CLTC: variants seen among roughly 807,000 people sequenced by gnomAD.
CLTC encodes the protein clathrin heavy chain, also known as clathrin heavy chain 1.
Under a neutral mutation model 195.8 loss-of-function variants are expected in CLTC, and 16 were observed. The ratio of observed to expected loss-of-function variants is 0.08; its 90% CI spans 0.06 to 0.12. The LOEUF is 0.12. CLTC is among the 10% of genes least tolerant of loss of function. The probability of loss-of-function intolerance (pLI) is 1.00; values close to 1 mark genes in which losing one functional copy is unlikely to be tolerated. For synonymous variants in CLTC, 667 were observed against 689.4 expected (o/e 0.97, Z 0.51); for missense variants, 796 against 2,027.0 (o/e 0.39, Z 11.66).
chr17:59,648,583 C>T lies in CLTC; in HGVS notation c.681+182C>T, dbSNP rs909724148. 6 of 567,660 alleles carry T rather than the reference C, an allele frequency of 1.1e-5. No homozygotes were observed. Among genetic ancestry groups the T allele is most frequent in the Non-Finnish European group, 1.9e-5 (6 of 322,572 alleles). 35.2% of individuals were successfully genotyped at this position (567,660 alleles called of 1,614,324 possible). On this transcript the variant is annotated intron_variant, in intron 4 of 31. Transcript: ENST00000269122. The surrounding 1 kb of genome is among the most constrained non-coding windows in gnomAD (Gnocchi z 4.5). ...ATACTTGTCTAAAATGAATAATGTT[C>T]TTTCACAACTCGTTCTGTTGGCTGT...
chr17:59,680,775 C>A, intron 18 of CLTC, 137 bp from the exon 19 acceptor site: 5 of 582,514 alleles, frequency 8.6e-6, no homozygotes, highest in South Asian at 5.7e-5. Context: ...GTAGAAAGAC[C>A]TCTCTATGTA....
chr17:59,667,033 T>TA (rs2032747424), intron 13 of CLTC, 56 bp downstream of exon 13: 1 of 1,421,584 alleles, frequency 7.0e-7, no homozygotes, highest in East Asian at 2.3e-5. Flanking sequence ...CAAGAAGAGG[T>TA]ATGCTTATGA....
At chr17:59,672,560 A>G (rs899212767) in intron 14 of CLTC, among the ~76,000 whole-genome samples, 1 of 152,196 alleles carries the variant, frequency 6.6e-6, no homozygotes, top group Non-Finnish European at 1.5e-5. Flanking sequence ...CAGAGTTTCC[A>G]TGGTGTTAAA....
At chr17:59,631,910 C>T (rs2031729381) in intron 1 of CLTC, among the ~76,000 whole-genome samples, 1 of 147,988 alleles carries the variant, frequency 6.8e-6, no homozygotes, top group Admixed American at 6.8e-5. Flanking sequence ...GTGGAGGTTG[C>T]AGTAGGCTGA....
At chr17:59,621,197 A>G (rs766898771) in intron 1 of CLTC, among the ~76,000 whole-genome samples, 2 of 152,244 alleles carry the variant, frequency 1.3e-5, no homozygotes, top group Non-Finnish European at 2.9e-5. Flanking sequence ...GCAGGTGACC[A>G]TTGGAAGGCT....
chr17:59,661,529 T>C lies in CLTC; in HGVS notation c.1254T>C (p.Phe418=). The stretch of plus-strand genomic sequence containing the variant: ...AAACTTCTCCTCTACTTCAGTACTT[T>C]GGTATCCTTTTGGACCAGGGACAGC... The part of the protein sequence containing the change: ...PGQTSPLLQY[F]GILLDQGQLN... The change falls in exon 8 of 32, where the codon TTT becomes TTC. Residue 418 remains phenylalanine (F), a synonymous_variant. Transcript: ENST00000269122. The C allele has an allele frequency of 6.2e-7, 1 of 1,614,180 alleles. No individual in the cohort carries two copies. Among genetic ancestry groups the C allele is most frequent in the Non-Finnish European group, 8.5e-7 (1 of 1,180,004 alleles).
chr17:59,630,056 A>G (rs771207819), intron 1 of CLTC, among the ~76,000 whole-genome samples: 1 of 152,038 alleles, frequency 6.6e-6, no homozygotes. Flanking sequence ...AGTGGAGTAC[A>G]GTGGCGAGAT....
chr17:59,687,019 A>G (rs2033199257), intron 30 of CLTC: 1 of 988,522 alleles, frequency 1.0e-6, no homozygotes, highest in South Asian at 4.7e-5. Context: ...AATAAAGGAA[A>G]AGGTGAAAGT....
chr17:59,665,144 G>A (rs923782525), intron 10 of CLTC, among the ~76,000 whole-genome samples: 2 of 151,968 alleles, frequency 1.3e-5, no homozygotes, highest in African/African-American at 4.8e-5. Context: ...GGGATAGCTT[G>A]AGCCTGGGAG....
At position 59,661,532 on chromosome 17, in the gene CLTC, T is replaced by A; in HGVS notation, c.1257T>A (p.Gly419=). ...CTTCTCCTCTACTTCAGTACTTTGG[T>A]ATCCTTTTGGACCAGGGACAGCTCA... The part of the protein sequence containing the change: ...GQTSPLLQYF[G]ILLDQGQLNK... Residue 419 remains glycine (G), a synonymous_variant, in exon 8 of 32, where the codon GGT becomes GGA. Coordinates refer to ENST00000269122, the MANE Select transcript of CLTC (RefSeq NM_004859.4). 1 of 1,614,142 alleles carries A rather than the reference T, an allele frequency of 6.2e-7. No individual in the cohort carries two copies. The highest frequency in any genetic ancestry group is 8.5e-7 in the Non-Finnish European group (1 of 1,179,996).
intron 5 of CLTC, among the ~76,000 whole-genome samples, chr17:59,654,942 G>C (rs1487300701): frequency 2.6e-5 from 4 of 152,180 alleles, no homozygotes; most frequent in African/African-American, 9.6e-5. Context: ...GTGAGAAAAT[G>C]AGACTGGGAT....
At chr17:59,620,494 T>A (rs2031336178) in intron 1 of CLTC, among the ~76,000 whole-genome samples, 1 of 151,938 alleles carries the variant, frequency 6.6e-6, no homozygotes, top group Admixed American at 6.6e-5. Flanking sequence ...TTCATTTGGG[T>A]AGGGGAGTGG....
chr17:59,690,791 A>G (rs956010945), intron 31 of CLTC, 80 bp downstream of exon 31: 1 of 1,095,288 alleles, frequency 9.1e-7, no homozygotes, highest in Non-Finnish European at 1.4e-6. Context: ...AATAGAATAC[A>G]ACAAGCTTCT....
intron 1 of CLTC, among the ~76,000 whole-genome samples, chr17:59,643,462 C>G (rs1211342917): frequency 6.6e-6 from 1 of 152,168 alleles, no homozygotes; most frequent in Non-Finnish European, 1.5e-5. Context: ...CAAAGCAAAT[C>G]TAATTCCATT....
At chr17:59,635,488 T>A (rs56397864) in intron 1 of CLTC, among the ~76,000 whole-genome samples, 4,244 of 152,304 alleles carry the variant, frequency 0.028, 83 homozygotes, top group Non-Finnish European at 0.043. Flanking sequence ...AAAGCAAACC[T>A]ATTACTCCTT....
Position 59,681,076 on chromosome 17 carries a change from C to G in CLTC, c.3065+19C>G. ...AACACAGGTATGCTTTCAGAGGGAT[C>G]CATTGGCTATTTATAGTCAGTCTTT... On this transcript the variant is annotated intron_variant, in intron 19 of 31. Transcript: ENST00000269122. The surrounding 1 kb of genome is among the most constrained non-coding windows in gnomAD (Gnocchi z 5.0). 5 of 1,610,560 alleles carry G rather than the reference C, an allele frequency of 3.1e-6. No homozygotes were observed. The highest frequency in any genetic ancestry group is 4.2e-6 in the Non-Finnish European group (5 of 1,178,412).
chr17:59,666,423 T>C lies in CLTC; in HGVS notation c.1783-57T>C. On this transcript the variant is annotated intron_variant, in intron 11 of 31. Transcript: ENST00000269122. The surrounding 1 kb of genome is among the most constrained non-coding windows in gnomAD (Gnocchi z 4.9). ...AAACCTTAATCTGTAATACGGATAT[T>C]GAATTACTCATGTAAGTGGAGTGGA... 1.3e-6 allele frequency: 2 copies of C among 1,570,648 alleles called. No individual in the cohort carries two copies. Among genetic ancestry groups the C allele is most frequent in the Non-Finnish European group, 1.7e-6 (2 of 1,151,186 alleles).
intron 16 of CLTC, among the ~76,000 whole-genome samples, chr17:59,676,481 G>T (rs1166863959): frequency 6.6e-6 from 1 of 152,198 alleles, no homozygotes; most frequent in Non-Finnish European, 1.5e-5. Flanking sequence ...TAGATATTTT[G>T]TGTGTTATAA....
intron 1 of CLTC, among the ~76,000 whole-genome samples, chr17:59,632,613 A>G (rs937361271): frequency 6.6e-6 from 1 of 152,154 alleles, no homozygotes; most frequent in African/African-American, 2.4e-5. Flanking sequence ...ACTGCATGCC[A>G]GCCTATGCGA....
Sources: allele counts gnomAD v4.1 joint callset (sites outside exome capture counted in the v4.1 genomes callset), GRCh38; gene constraint gnomAD v4.1.1; non-coding constraint Gnocchi (gnomAD v3.1); transcripts MANE v1.5; gene names NCBI Gene and HGNC (gene_info 2026-07-23, HGNC 2026-07-21).